TYK2: variants seen among roughly 807,000 people sequenced by gnomAD.
The protein encoded by TYK2 is non-receptor tyrosine-protein kinase TYK2.
Under a neutral mutation model 130.9 loss-of-function variants are expected in TYK2, and 65 were observed. The ratio of observed to expected loss-of-function variants is 0.50; its 90% CI spans 0.41 to 0.61. The LOEUF (loss-of-function observed/expected upper bound fraction) is 0.61. Among genes scored for constraint, TYK2 ranks in the 20% least tolerant of loss-of-function variants. TYK2 has a pLI of 0.00. For missense variants in TYK2, 1,378 were observed against 1,610.7 expected (o/e 0.86, Z 2.47); for synonymous variants, 647 against 658.9 (o/e 0.98, Z 0.28).
chr19:10,375,979 T>C (rs946834424), intron 3 of TYK2, among the ~76,000 whole-genome samples: 1 of 151,060 alleles, frequency 6.6e-6, no homozygotes, highest in Admixed American at 6.6e-5. Context: ...TGCAATTTCC[T>C]GTGCAGGAGG....
rs151252201 is a variant in TYK2, at chr19:10,361,910, G to T, written c.1819C>A (p.Arg607Ser). 6.2e-7 allele frequency: 1 copy of T among 1,614,012 alleles called. No homozygotes were observed. Among genetic ancestry groups the T allele is most frequent in the Admixed American group, 1.7e-5 (1 of 60,010 alleles). Residue 607 changes from arginine to serine, a missense_variant, in exon 13 of 25, where the codon CGC (arginine) becomes AGC (serine). Transcript: ENST00000525621. The surrounding 1 kb of genome is among the most constrained non-coding windows in gnomAD (Gnocchi z 4.0). ...QGTRTNVYEG[R>S]LRVEGSGDPE... ...TCCCCGCTGCCCTCCACTCGCAGGC[G>T]GCCCTCATACACGTTGGTCCTTGTG...
chr19:10,362,235 C>G, intron 11 of TYK2, 29 bp downstream of exon 11: 1 of 1,613,502 alleles, frequency 6.2e-7, no homozygotes, highest in Non-Finnish European at 8.5e-7. Flanking sequence ...GATGCCACAT[C>G]CCACCCAGAG....
In TYK2 at chr19:10,357,668, G is replaced by T. The variant is rs952623991; in HGVS notation, c.2466+96C>A. 3.3e-6 allele frequency: 5 copies of T among 1,512,698 alleles called. No homozygotes were observed. The African/African-American group carries it at 4.1e-5, about 13-fold the overall frequency. 93.7% of individuals were successfully genotyped at this position (1,512,698 alleles called of 1,614,324 possible). ...GCCCAGAGAGACTTGAAGTCACGAG[G>T]CCAGAAGGGATGCAGCTTTGAGCTC... On this transcript the variant is annotated intron_variant, in intron 17 of 24. Coordinates refer to ENST00000525621, the MANE Select transcript of TYK2 (RefSeq NM_003331.5).
chr19:10,366,733 T>TAA (rs750662938), intron 5 of TYK2, among the ~76,000 whole-genome samples, 153 bp from the exon 6 acceptor site: 7 of 101,892 alleles, frequency 6.9e-5, no homozygotes, highest in Non-Finnish European at 1.0e-4. Flanking sequence ...GCTGATGAGC[T>TAA]AAAAAAAAAA....
intron 6 of TYK2, 108 bp downstream of exon 6, chr19:10,366,308 GA>G (rs1310326387): frequency 0.065 from 57,637 of 890,776 alleles, no homozygotes; most frequent in Middle Eastern, 0.083. Context: ...CTCCGGCTCA[GA>G]AAAAAAAAAA....
intron 7 of TYK2, among the ~76,000 whole-genome samples, chr19:10,365,264 A>AC (rs1177246533): frequency 5.3e-5 from 8 of 151,690 alleles, no homozygotes; most frequent in African/African-American, 1.9e-4. Context: ...AAGAATCCTG[A>AC]CCCCCTCACA....
In TYK2 at chr19:10,359,252, G is replaced by T; in HGVS notation, c.2098C>A (p.Arg700=). 6.2e-7 allele frequency: 1 copy of T among 1,611,498 alleles called. No individual in the cohort carries two copies. The highest frequency in any genetic ancestry group is 8.5e-7 in the Non-Finnish European group (1 of 1,179,928). Residue 700 remains arginine (R), a synonymous_variant, in exon 15 of 25, where the codon CGG becomes AGG. Transcript: ENST00000525621. ...ATGGGCACATGGCCCCGCTCCCTCC[G>T]CAGCCACACATCCAGGGGTCCGTGC... ...VEHGPLDVWL[R]RERGHVPMAW... is the part of the protein sequence containing the mutation.
chr19:10,353,754 C>T lies in TYK2; in HGVS notation c.2909-108G>A. On this transcript the variant is annotated intron_variant, in intron 20 of 24. Coordinates refer to ENST00000525621, the MANE Select transcript of TYK2 (RefSeq NM_003331.5). This position sits in a 1 kb window ranked among gnomAD's most constrained non-coding sequence, Gnocchi z 6.9. Reference sequence around the variant, plus strand: ...CCAAGGTCGGGAGGGAAGGCCAAGACCCGCGCACACTAGACCCAGTTCTCA... The same window carrying T: ...CCAAGGTCGGGAGGGAAGGCCAAGATCCGCGCACACTAGACCCAGTTCTCA... 1.2e-6 allele frequency: 1 copy of T among 808,578 alleles called. No homozygotes were observed. The highest frequency in any genetic ancestry group is 1.9e-6 in the Non-Finnish European group (1 of 524,162). 50.1% of individuals were successfully genotyped at this position (808,578 alleles called of 1,614,324 possible). A position where few individuals can be genotyped will look rare whatever the true frequency, so the allele number is the denominator to read the frequency against.
In TYK2 at chr19:10,356,614, T is replaced by C. The variant is rs2041114937; in HGVS notation, c.2571A>G (p.Pro857=). The C allele has an allele frequency of 6.2e-7, 1 of 1,613,700 alleles. No individual in the cohort carries two copies. Residue 857 remains proline (P), a synonymous_variant, in exon 18 of 25, where the codon CCA becomes CCG. Coordinates refer to ENST00000525621, the MANE Select transcript of TYK2 (RefSeq NM_003331.5). The stretch of plus-strand genomic sequence containing the variant: ...GGTCACGCAGGATGGTGCGGAATGA[T>C]GGCCTCTGGGTTGGCTCATAGGTCA... ...QCLTYEPTQR[P]SFRTILRDLT...
At chr19:10,356,116 C>A (rs879919231) in intron 18 of TYK2, among the ~76,000 whole-genome samples, 1 of 151,672 alleles carries the variant, frequency 6.6e-6, no homozygotes, top group Non-Finnish European at 1.5e-5. Context: ...CAGTGGCTCA[C>A]GCCTGTAATC....
chr19:10,377,564 ATGGG>A (rs1568346501), intron 3 of TYK2, among the ~76,000 whole-genome samples: 3 of 52,748 alleles, frequency 5.7e-5, no homozygotes, highest in African/African-American at 1.5e-4. Context: ...GGGTGGATGG[ATGGG>A]TGGGTGGGTG....
intron 3 of TYK2, among the ~76,000 whole-genome samples, chr19:10,376,206 T>G (rs2042116862): frequency 7.3e-6 from 1 of 136,584 alleles, no homozygotes; most frequent in Non-Finnish European, 1.6e-5. Flanking sequence ...AGAGATGCGG[T>G]TTCACTACAT....
chr19:10,362,033 C>T, intron 12 of TYK2, 45 bp downstream of exon 12: 1 of 1,612,800 alleles, frequency 6.2e-7, no homozygotes, highest in Non-Finnish European at 8.5e-7. Flanking sequence ...GCACCCACAT[C>T]CCCAGGGGCC....
intron 1 of TYK2, among the ~76,000 whole-genome samples, chr19:10,380,088 G>A (rs1165512096): frequency 1.3e-5 from 2 of 152,210 alleles, no homozygotes; most frequent in Admixed American, 6.6e-5. Context: ...ACCTCAAAAG[G>A]CTGCTGGGAG....
At chr19:10,368,542 A>G in intron 3 of TYK2, 124 bp from the exon 4 acceptor site, 1 of 1,440,048 alleles carries the variant, frequency 6.9e-7, no homozygotes, top group Non-Finnish European at 9.6e-7. Context: ...CTGCAGCTTC[A>G]GTCTCACGTT....
rs755570432 is a variant in TYK2, at chr19:10,378,334, T to C, written c.73A>G (p.Met25Val). The C allele has an allele frequency of 1.9e-6, 3 of 1,612,712 alleles. No homozygotes were observed. The highest frequency in any genetic ancestry group is 2.2e-5 in the South Asian group (2 of 91,088). ...TGCAGAAGCACCTTCAGGCCTCCCA[T>C]GGCAGCCATGGGCTGGGCTCCATCC... ...VGDGAQPMAA[M>V]GGLKVLLHWA... is the part of the protein sequence containing the mutation. Residue 25 changes from methionine to valine, a missense_variant, in exon 3 of 25, where the codon ATG becomes GTG. Transcript: ENST00000525621.
chr19:10,363,547 C>T (rs1230136786), intron 9 of TYK2, among the ~76,000 whole-genome samples: 1 of 152,094 alleles, frequency 6.6e-6, no homozygotes, highest in East Asian at 1.9e-4. Context: ...AGATTGGAAA[C>T]AGCCATCAGG....
Position 10,353,544 on chromosome 19 carries a change from G to C in TYK2, c.3011C>G (p.Ala1004Gly), listed in dbSNP as rs202110875. 3.8e-5 allele frequency: 57 copies of C among 1,498,664 alleles called. 1 individual carries two copies. The African/African-American group carries it at 7.5e-4, about 20-fold the overall frequency. The allele number at this position is 1,498,664 out of a possible 1,614,324, so 92.8% of individuals were successfully genotyped here. A position where few individuals can be genotyped will look rare whatever the true frequency, so the allele number is the denominator to read the frequency against. ...SIGLAQLLLF[A>G]QQICEGMAYL... ...CCGACCAACCTCGCAGATCTGCTGG[G>C]CGAAGAGCAGCAGCTGGGCCAGCCC... The change falls in exon 21 of 25, where the codon GCC becomes GGC. Residue 1004 changes from alanine to glycine, a missense_variant. Ala to Gly is a moderately conservative substitution (Grantham distance 60, BLOSUM62 0). Coordinates refer to ENST00000525621, the MANE Select transcript of TYK2 (RefSeq NM_003331.5). This position sits in a 1 kb window ranked among gnomAD's most constrained non-coding sequence, Gnocchi z 6.9.
intron 15 of TYK2, 64 bp from the exon 16 acceptor site, chr19:10,358,202 G>A: frequency 6.6e-7 from 1 of 1,514,314 alleles, no homozygotes; most frequent in Non-Finnish European, 8.9e-7. Flanking sequence ...CCCCAAACCT[G>A]GTCCCCATAG....
Sources: allele counts gnomAD v4.1 joint callset (sites outside exome capture counted in the v4.1 genomes callset), GRCh38; gene constraint gnomAD v4.1.1; non-coding constraint Gnocchi (gnomAD v3.1); transcripts MANE v1.5; gene names NCBI Gene and HGNC (gene_info 2026-07-23, HGNC 2026-07-21).